The following NSUN6 variants were observed in gnomAD, a reference collection of about 807,000 sequenced individuals.
The protein encoded by NSUN6 is tRNA (cytosine(72)-C(5))-methyltransferase NSUN6.
In NSUN6, 64 loss-of-function variants were observed where a neutral mutation model predicts 58.0. The observed-to-expected ratio is 1.10, with a 90% CI of 0.90 to 1.36. The LOEUF (loss-of-function observed/expected upper bound fraction) is 1.36, where lower values mean the gene tolerates loss of function less well. NSUN6 is among the 40% of genes most tolerant of loss of function. The pLI is 0.00. For synonymous variants in NSUN6, 231 were observed against 193.9 expected, an observed-to-expected ratio of 1.19 and a Z score of -1.59; for missense variants, 701 against 550.1, an observed-to-expected ratio of 1.27 and a Z score of -2.74.
chr10:18,594,458 T>G (rs904631307), intron 7 of NSUN6, among the ~76,000 whole-genome samples: 2 of 150,500 alleles, frequency 1.3e-5, no homozygotes, highest in Admixed American at 1.3e-4. Flanking sequence ...TTGTTTTTTG[T>G]TTTTTTTTGA....
At chr10:18,614,352 C>CA (rs11405681) in intron 5 of NSUN6, 108 bp downstream of exon 5, 325,962 of 432,666 alleles carry the variant, frequency 0.75, 110,817 homozygotes, top group African/African-American at 0.92. Context: ...GGATTTATAC[C>CA]AAAAAAAAAA....
At chr10:18,635,579 G>A (rs1238972031) in intron 3 of NSUN6, among the ~76,000 whole-genome samples, 1 of 152,166 alleles carries the variant, frequency 6.6e-6, no homozygotes, top group African/African-American at 2.4e-5. Flanking sequence ...GCTCACATTT[G>A]TAATCCCAGT....
chr10:18,616,596 A>G (rs985220995), intron 3 of NSUN6, among the ~76,000 whole-genome samples: 3 of 152,230 alleles, frequency 2.0e-5, no homozygotes, highest in Admixed American at 2.0e-4. Context: ...AGAAAAATAG[A>G]CTTTCTCTGT....
intron 9 of NSUN6, 175 bp downstream of exon 9, chr10:18,551,648 T>C (rs1564700863): frequency 8.6e-6 from 4 of 462,828 alleles, no homozygotes; most frequent in Non-Finnish European, 1.1e-5. Flanking sequence ...GGCTGAATAA[T>C]GTTCCATGTA....
chr10:18,588,357 T>C (rs2057250814), intron 7 of NSUN6, among the ~76,000 whole-genome samples: 1 of 152,200 alleles, frequency 6.6e-6, no homozygotes, highest in South Asian at 2.1e-4. Context: ...ACTTAATCTT[T>C]CCAGCCTGCG....
At chr10:18,649,051 A>C (rs1183221633) in intron 1 of NSUN6, among the ~76,000 whole-genome samples, 1 of 152,240 alleles carries the variant, frequency 6.6e-6, no homozygotes, top group Non-Finnish European at 1.5e-5. Context: ...ATTAGCTAAC[A>C]TCATATCCAA....
At chr10:18,555,555 T>C (rs953865562) in intron 8 of NSUN6, among the ~76,000 whole-genome samples, 10 of 147,382 alleles carry the variant, frequency 6.8e-5, no homozygotes, top group Non-Finnish European at 4.5e-5. Context: ...TGGAATGGAA[T>C]AGAGAATGGA....
chr10:18,656,096 C>G (rs999371209), upstream of NSUN6, among the ~76,000 whole-genome samples: 5 of 152,136 alleles, frequency 3.3e-5, no homozygotes, highest in Non-Finnish European at 7.3e-5. Flanking sequence ...ATATTACTTA[C>G]AGCATCAAAA....
In NSUN6 at chr10:18,557,481, G is replaced by A. The variant is rs531222362; in HGVS notation, c.923-5510C>T. Among the ~76,000 whole-genome samples the A allele has an allele frequency of 3.3e-5, 5 of 151,608 alleles. No individual in the cohort carries two copies. The East Asian group carries it at 9.7e-4, about 29-fold the overall frequency. On this transcript the variant is annotated intron_variant, in intron 8 of 10. Coordinates refer to ENST00000377304, the MANE Select transcript of NSUN6 (RefSeq NM_182543.5). ...ATGGAATGGAATAGAGAATGGAATG[G>A]AATAGAGCATGGAATGGAATGGAGA...
chr10:18,589,880 G>C (rs1261826503), intron 7 of NSUN6, among the ~76,000 whole-genome samples: 1 of 152,130 alleles, frequency 6.6e-6, no homozygotes, highest in Non-Finnish European at 1.5e-5. Flanking sequence ...CTAGCATCAT[G>C]ATGACAGGAT....
intron 1 of NSUN6, among the ~76,000 whole-genome samples, chr10:18,650,354 G>T (rs2059667929): frequency 6.6e-6 from 1 of 152,138 alleles, no homozygotes; most frequent in Admixed American, 6.5e-5. Context: ...ATTTACTGAG[G>T]ACTTTAGCAA....
Position 18,545,814 on chromosome 10 carries a change from TTC to T in NSUN6, c.*117_*118del. 1.4e-6 allele frequency: 1 copy of T among 689,742 alleles called. No homozygotes were observed. The highest frequency in any genetic ancestry group is 2.5e-6 in the Non-Finnish European group (1 of 397,118). 42.7% of individuals were successfully genotyped at this position (689,742 alleles called of 1,614,324 possible). On this transcript the variant is annotated 3_prime_UTR_variant, in exon 11 of 11. Transcript: ENST00000377304. Reference sequence around the variant, plus strand: ...CCCTGGTAAAACAGCTGGCAGCCTTTTCTGTTTCCATAGCAACCACATCATCA... The same window carrying T: ...CCCTGGTAAAACAGCTGGCAGCCTTTTGTTTCCATAGCAACCACATCATCA...
chr10:18,606,200 A>C (rs2058042102), intron 6 of NSUN6, among the ~76,000 whole-genome samples: 1 of 152,194 alleles, frequency 6.6e-6, no homozygotes, highest in African/African-American at 2.4e-5. Flanking sequence ...CAAAATACAC[A>C]AACAGCAGAT....
intron 3 of NSUN6, among the ~76,000 whole-genome samples, chr10:18,626,928 T>C (rs2058831883): frequency 1.3e-5 from 2 of 152,194 alleles, no homozygotes; most frequent in Non-Finnish European, 2.9e-5. Context: ...TTTTAAGACT[T>C]TTATCAAAAA....
chr10:18,653,754 C>A (rs985437032), upstream of NSUN6, among the ~76,000 whole-genome samples: 1 of 152,040 alleles, frequency 6.6e-6, no homozygotes, highest in Admixed American at 6.6e-5. Flanking sequence ...AAGGCTGGAT[C>A]CAAGAAAAGC....
intron 3 of NSUN6, among the ~76,000 whole-genome samples, chr10:18,635,773 G>C (rs555178176): frequency 5.6e-4 from 85 of 151,642 alleles, no homozygotes; most frequent in Non-Finnish European, 1.0e-3. Context: ...GGGAGGCAGG[G>C]GTTGCAGTGA....
At chr10:18,563,795 A>C (rs555656928) in intron 8 of NSUN6, among the ~76,000 whole-genome samples, 4 of 148,586 alleles carry the variant, frequency 2.7e-5, no homozygotes, top group Non-Finnish European at 6.0e-5. Flanking sequence ...TCTCCATTCC[A>C]TTCCATTCAC....
At chr10:18,570,324 A>T (rs1463794553) in intron 8 of NSUN6, among the ~76,000 whole-genome samples, 1 of 146,640 alleles carries the variant, frequency 6.8e-6, no homozygotes, top group African/African-American at 2.5e-5. Flanking sequence ...TCTTCATTTC[A>T]TTCTATTCCA....
At chr10:18,652,530 C>T, upstream of NSUN6, 1 of 983,904 alleles carries the variant, frequency 1.0e-6, no homozygotes. Context: ...ACCATTATAC[C>T]ACACAACAAC....
Sources: gnomAD v4.1 joint callset for allele counts (sites outside exome capture counted in the v4.1 genomes callset) on GRCh38, gnomAD v4.1.1 for gene constraint, MANE v1.5 for transcripts, NCBI Gene and HGNC (gene_info 2026-07-23, HGNC 2026-07-21) for gene names.